PIWIL3: variants seen among roughly 807,000 people sequenced by gnomAD.
The protein encoded by PIWIL3 is piwi like RNA-mediated gene silencing 3, also known as piwi-like protein 3.
In PIWIL3, 101 loss-of-function variants were observed where a neutral mutation model predicts 109.7. The ratio of observed to expected loss-of-function variants is 0.92; its 90% CI spans 0.78 to 1.09. The LOEUF (loss-of-function observed/expected upper bound fraction) is 1.09. Among genes scored for constraint, PIWIL3 ranks in the 50% least tolerant of loss-of-function variants. The pLI, the probability that PIWIL3 is intolerant of heterozygous loss-of-function variation, is 0.00. For missense variants in PIWIL3, 1,031 were observed against 1,072.6 expected, an observed-to-expected ratio of 0.96 and a Z score of 0.54; for synonymous variants, 373 against 376.4, an observed-to-expected ratio of 0.99 and a Z score of 0.10.
intron 2 of PIWIL3, 121 bp from the exon 3 acceptor site, chr22:24,760,110 CAT>C: frequency 7.4e-7 from 1 of 1,359,064 alleles, no homozygotes; most frequent in Non-Finnish European, 1.0e-6. Context: ...ATTCCAGTGA[CAT>C]AAACTAAGTT....
chr22:24,720,569 C>T (rs1212657883), intron 19 of PIWIL3, among the ~76,000 whole-genome samples: 1 of 152,028 alleles, frequency 6.6e-6, no homozygotes, highest in Non-Finnish European at 1.5e-5. Flanking sequence ...CTGCGCCTGG[C>T]CTTAAACTTC....
At chr22:24,762,599 T>C in intron 1 of PIWIL3, 78 bp from the exon 2 acceptor site, 1 of 1,169,174 alleles carries the variant, frequency 8.6e-7, no homozygotes, top group South Asian at 1.6e-5. Flanking sequence ...TACAACAGAA[T>C]ATCTGAGGCT....
rs1449296107 is a variant in PIWIL3, at chr22:24,719,767, T to G, written c.2486A>C (p.His829Pro). 1.9e-6 allele frequency: 3 copies of G among 1,612,414 alleles called. No individual in the cohort carries two copies. Among genetic ancestry groups the G allele is most frequent in the Admixed American group, 1.7e-5 (1 of 59,896 alleles). ...TVQRLTYCLC[H>P]MYYNLPGIIR... is the part of the protein sequence containing the mutation. Reference sequence around the variant, plus strand: ...ACTTACTGGCAAATTATAATACATGTGGCATAGACAATATGTTAAACGCTG... The same window carrying G: ...ACTTACTGGCAAATTATAATACATGGGGCATAGACAATATGTTAAACGCTG... The change falls in exon 20 of 21, where the codon CAC becomes CCC. Residue 829 changes from histidine to proline, a missense_variant. By Grantham distance (77) the His-to-Pro change is moderately conservative. Transcript: ENST00000616349.
intron 18 of PIWIL3, among the ~76,000 whole-genome samples, chr22:24,724,120 G>T (rs1297657149): frequency 6.6e-6 from 1 of 152,108 alleles, no homozygotes; most frequent in Non-Finnish European, 1.5e-5. Context: ...TCTGACTTGC[G>T]TGTGGAACGT....
chr22:24,746,414 A>G (rs1459080534), intron 12 of PIWIL3, among the ~76,000 whole-genome samples: 1 of 152,046 alleles, frequency 6.6e-6, no homozygotes, highest in Non-Finnish European at 1.5e-5. Context: ...TAGAATGAAC[A>G]TATTTCAACA....
chr22:24,759,425 G>A lies in PIWIL3; in HGVS notation c.223+444C>T, dbSNP rs57228791. 2.3e-3 allele frequency among the ~76,000 whole-genome samples: 356 copies of A among 152,272 alleles called. 1 individual carries two copies. The highest frequency in any genetic ancestry group is 8.0e-3 in the African/African-American group (331 of 41,562). On this transcript the variant is annotated intron_variant, in intron 3 of 20. Coordinates refer to ENST00000616349, the MANE Select transcript of PIWIL3 (RefSeq NM_001255975.1). The stretch of plus-strand genomic sequence containing the variant: ...AGACTGAAGTTGGATCACATTAGCC[G>A]AAACCTTAGCAAATGACAATATCTG...
At position 24,728,041 on chromosome 22, in the gene PIWIL3, T is replaced by C; in HGVS notation, c.1918A>G (p.Met640Val). ...TGGAAACAATCAATGCCAACGAACA[T>C]TGTTCTTTGTACCTTAAGTTTGTTT... ...WKVETDVQRT[M>V]FVGIDCFHDI... The change falls in exon 16 of 21, where the codon ATG becomes GTG. Residue 640 changes from methionine (M) to valine (V), a missense_variant. By Grantham distance (21) the Met-to-Val change is conservative (BLOSUM62 1). Coordinates refer to ENST00000616349, the MANE Select transcript of PIWIL3 (RefSeq NM_001255975.1). 1 of 1,613,934 alleles carries C rather than the reference T, an allele frequency of 6.2e-7. No homozygotes were observed. Among genetic ancestry groups the C allele is most frequent in the South Asian group, 1.1e-5 (1 of 91,056 alleles).
intron 1 of PIWIL3, among the ~76,000 whole-genome samples, chr22:24,764,168 G>T (rs1309857813): frequency 1.3e-5 from 2 of 152,204 alleles, no homozygotes; most frequent in Non-Finnish European, 2.9e-5. Context: ...CTGGGGTCCC[G>T]GCCTCTTCTG....
chr22:24,757,647 A>G (rs1200241825), intron 4 of PIWIL3, among the ~76,000 whole-genome samples: 1 of 103,100 alleles, frequency 9.7e-6, no homozygotes, highest in Non-Finnish European at 2.1e-5. Context: ...CATATATAAA[A>G]TATGTATATA....
intron 19 of PIWIL3, 44 bp downstream of exon 19, chr22:24,723,086 T>G: frequency 6.3e-7 from 1 of 1,583,902 alleles, no homozygotes; most frequent in Middle Eastern, 1.7e-4. Flanking sequence ...TGAAGGAAAT[T>G]GAGAAAATCA....
chr22:24,742,151 C>CAAAAAAAAAAAAAAAAAAAAAA, intron 12 of PIWIL3, among the ~76,000 whole-genome samples: 1 of 94,588 alleles, frequency 1.1e-5, no homozygotes, highest in Non-Finnish European at 2.1e-5. Flanking sequence ...ACAATAGCTG[C>CAAAAAAAAAAAAAAAAAAAAAA]AAAAAAAAAA....
intron 12 of PIWIL3, among the ~76,000 whole-genome samples, chr22:24,742,629 C>T (rs1924078638): frequency 6.6e-6 from 1 of 152,108 alleles, no homozygotes; most frequent in Non-Finnish European, 1.5e-5. Context: ...TTTGACAAAG[C>T]AAACAAAAAC....
intron 8 of PIWIL3, among the ~76,000 whole-genome samples, chr22:24,752,401 G>C (rs1924763617): frequency 6.6e-6 from 1 of 152,106 alleles, no homozygotes; most frequent in Non-Finnish European, 1.5e-5. Context: ...GATCACATCT[G>C]CATAATGAAA....
At chr22:24,722,586 A>G (rs1922737120) in intron 19 of PIWIL3, among the ~76,000 whole-genome samples, 1 of 151,956 alleles carries the variant, frequency 6.6e-6, no homozygotes, top group Non-Finnish European at 1.5e-5. Context: ...GGTGGTAGGC[A>G]CCTGTAAGCC....
intron 2 of PIWIL3, chr22:24,762,079 G>A (rs1925472277): frequency 1.0e-6 from 1 of 960,696 alleles, no homozygotes; most frequent in Admixed American, 5.3e-5. Flanking sequence ...GTACCTTCAG[G>A]AAGTTGCTCA....
In PIWIL3 at chr22:24,759,919, A is replaced by G. The variant is rs778768476; in HGVS notation, c.173T>C (p.Leu58Pro). The G allele has an allele frequency of 2.0e-5, 32 of 1,614,026 alleles. 1 individual carries two copies. In the East Asian group the frequency reaches 7.1e-4, roughly 36 times the overall value. The change falls in exon 3 of 21, where the codon CTG becomes CCG. Residue 58 changes from leucine (L) to proline (P), a missense_variant. Leu to Pro is a moderately conservative substitution (Grantham distance 98). Transcript: ENST00000616349. ...LQEEVPVVRP[L>P]QPRAARGGAG... Reference sequence around the variant, plus strand: ...TCCTCCTCTTGCTGCTCTTGGCTGCAGAGGTCTAACCACTGGGACTTCCTC... The same window carrying G: ...TCCTCCTCTTGCTGCTCTTGGCTGCGGAGGTCTAACCACTGGGACTTCCTC...
At position 24,719,403 on chromosome 22, in the gene PIWIL3, T is replaced by A; in HGVS notation, c.*69A>T. ...TGGACCTAGGAAAATATTTCAGACA[T>A]CCTGCTTCAAAAGGAAGACAGGCTT... On this transcript the variant is annotated 3_prime_UTR_variant, in exon 21 of 21. Coordinates refer to ENST00000616349, the MANE Select transcript of PIWIL3 (RefSeq NM_001255975.1). The A allele has an allele frequency of 8.3e-7, 1 of 1,208,562 alleles. No individual in the cohort carries two copies. The highest frequency in any genetic ancestry group is 1.2e-6 in the Non-Finnish European group (1 of 861,018). 74.9% of individuals were successfully genotyped at this position (1,208,562 alleles called of 1,614,324 possible).
chr22:24,760,659 A>T (rs931417149), intron 2 of PIWIL3, among the ~76,000 whole-genome samples: 2 of 151,848 alleles, frequency 1.3e-5, no homozygotes, highest in African/African-American at 4.8e-5. Context: ...ACATGCCTGT[A>T]ATCCCAGCTA....
intron 2 of PIWIL3, chr22:24,761,977 A>G: frequency 1.0e-6 from 1 of 990,196 alleles, no homozygotes; most frequent in South Asian, 4.7e-5. Context: ...GTGTGAATGT[A>G]AAGTGGATAT....
Sources: gnomAD v4.1 joint callset for allele counts (sites outside exome capture counted in the v4.1 genomes callset) on GRCh38, gnomAD v4.1.1 for gene constraint, MANE v1.5 for transcripts, NCBI Gene and HGNC (gene_info 2026-07-23, HGNC 2026-07-21) for gene names.